OVCH1: variants seen among roughly 807,000 people sequenced by gnomAD.
The protein encoded by OVCH1 is ovochymase-1.
Under a neutral mutation model 138.4 loss-of-function variants are expected in OVCH1, and 139 were observed. That is an observed-to-expected ratio of 1.00 (90% CI 0.87 to 1.16). The LOEUF is 1.16. Ranked by LOEUF, OVCH1 falls within the 50% of genes most tolerant of loss-of-function variation. The pLI, the probability that OVCH1 is intolerant of heterozygous loss-of-function variation, is 0.00. For synonymous variants in OVCH1, 453 were observed against 467.8 expected, an observed-to-expected ratio of 0.97 and a Z score of 0.41; for missense variants, 1,367 against 1,357.9, an observed-to-expected ratio of 1.01 and a Z score of -0.11.
intron 21 of OVCH1, among the ~76,000 whole-genome samples, chr12:29,453,839 C>A (rs1306071254): frequency 6.6e-6 from 1 of 152,164 alleles, no homozygotes; most frequent in Non-Finnish European, 1.5e-5. Flanking sequence ...ACTAAGCTAA[C>A]TGGGGGCATT....
chr12:29,495,636 C>A (rs924064805), intron 3 of OVCH1, among the ~76,000 whole-genome samples, 179 bp from the exon 4 acceptor site: 1 of 151,966 alleles, frequency 6.6e-6, no homozygotes, highest in Non-Finnish European at 1.5e-5. Flanking sequence ...TAGAAAAAAT[C>A]GTAGTTTTCA....
chr12:29,403,695 C>CTGA, the OVCH1 span, among the ~76,000 whole-genome samples: 1 of 152,108 alleles, frequency 6.6e-6, no homozygotes, highest in Non-Finnish European at 1.5e-5. Context: ...ATTGACGTGC[C>CTGA]TGATAAATAA....
At position 29,482,613 on chromosome 12, in the gene OVCH1, G is replaced by A. The variant is rs189125646; in HGVS notation, c.995+3633C>T. 8.1e-4 allele frequency among the ~76,000 whole-genome samples: 123 copies of A among 152,264 alleles called. 3 individuals are homozygous for A. In the East Asian group the frequency reaches 0.017, roughly 21 times the overall value. ...CATCCTGAGGGTTCAATAGAAATTTGTTGATTATTTGGGATACTAAATTTT... is the reference window on the plus strand; with the variant it reads ...CATCCTGAGGGTTCAATAGAAATTTATTGATTATTTGGGATACTAAATTTT... On this transcript the variant is annotated intron_variant, in intron 8 of 27. Transcript: ENST00000318184.
At chr12:29,447,041 TAAC>T (rs949762214) in intron 22 of OVCH1, among the ~76,000 whole-genome samples, 43 of 152,134 alleles carry the variant, frequency 2.8e-4, no homozygotes, top group African/African-American at 9.9e-4. Context: ...AATAAACTTA[TAAC>T]AACATTAAGA....
intron 21 of OVCH1, among the ~76,000 whole-genome samples, chr12:29,454,331 C>A (rs1565581518): frequency 6.6e-6 from 1 of 152,082 alleles, no homozygotes; most frequent in Admixed American, 6.6e-5. Flanking sequence ...ATTTGGAAAC[C>A]AAGAGTGATA....
chr12:29,481,012 G>A (rs1316171276), intron 8 of OVCH1, among the ~76,000 whole-genome samples: 1 of 152,032 alleles, frequency 6.6e-6, no homozygotes, highest in Non-Finnish European at 1.5e-5. Context: ...CTTCCTGGCA[G>A]AATCTGTATA....
rs1051762256 is a variant in OVCH1, at chr12:29,464,636, C to T, written c.1996G>A (p.Ala666Thr). The T allele has an allele frequency of 2.5e-6, 4 of 1,613,426 alleles. No individual in the cohort carries two copies. The African/African-American group carries it at 5.3e-5, about 22-fold the overall frequency. ...AGAGGAGAGCTTAGTTGTATTAGGG[C>T]AATGTCAGAGTCATAACTTAGTGTG... is the stretch of plus-strand genomic sequence containing the variant. The change falls in exon 18 of 28, where the codon GCC (alanine) becomes ACC (threonine). Residue 666 changes from alanine (A) to threonine (T), a missense_variant. Ala to Thr is a moderately conservative substitution (Grantham distance 58). Coordinates refer to ENST00000318184, the Ensembl canonical transcript of OVCH1.
At chr12:29,443,600 G>A in intron 24 of OVCH1, 100 bp from the exon 25 acceptor site, 1 of 1,184,424 alleles carries the variant, frequency 8.4e-7, no homozygotes, top group Non-Finnish European at 1.1e-6. Context: ...TTGACCCCCA[G>A]TGAGCCTTAT....
intron 20 of OVCH1, 133 bp downstream of exon 20, chr12:29,455,116 A>T: frequency 8.3e-7 from 1 of 1,199,082 alleles, no homozygotes; most frequent in Non-Finnish European, 1.2e-6. Flanking sequence ...CTTGCATTTT[A>T]GTGTGTTTAG....
In OVCH1 at chr12:29,455,304, C is replaced by G. The variant is rs150279096; in HGVS notation, c.2382G>C (p.Pro794=). The change falls in exon 20 of 28, where the codon CCG becomes CCC. Residue 794 remains proline, a synonymous_variant. Transcript: ENST00000318184. ...AGATCATCACTCTGGCAAATACACCCGGCTTCCATGGCTGGACACAGCCAG... is the reference window on the plus strand; with the variant it reads ...AGATCATCACTCTGGCAAATACACCGGGCTTCCATGGCTGGACACAGCCAG... 222 of 1,613,856 alleles carry G rather than the reference C, an allele frequency of 1.4e-4. 1 individual carries two copies. The East Asian group carries it at 4.9e-3, about 35-fold the overall frequency.
intron 8 of OVCH1, among the ~76,000 whole-genome samples, chr12:29,480,026 A>G (rs554275055): frequency 1.2e-3 from 184 of 151,696 alleles, no homozygotes; most frequent in Non-Finnish European, 2.4e-3. Flanking sequence ...GTTTCACCAT[A>G]TTGGCCAGGC....
At chr12:29,463,422 G>A (rs1164138918) in intron 18 of OVCH1, among the ~76,000 whole-genome samples, 1 of 152,150 alleles carries the variant, frequency 6.6e-6, no homozygotes, top group Non-Finnish European at 1.5e-5. Flanking sequence ...AGCAAGCTTG[G>A]TGTTTAAGAG....
chr12:29,487,049 G>C, intron 7 of OVCH1: 1 of 390,082 alleles, frequency 2.6e-6, no homozygotes, highest in Non-Finnish European at 5.2e-6. Context: ...GCCCTGTCAG[G>C]TGGCTGCCCT....
chr12:29,497,673 G>A (rs755624847), exon 1 of OVCH1: 3 of 1,613,958 alleles, frequency 1.9e-6, no homozygotes, highest in East Asian at 2.2e-5. Context: ...ACCAGCACTG[G>A]CCAGCAGGCC....
intron 19 of OVCH1, 43 bp from the exon 20 acceptor site, chr12:29,455,448 T>G (rs1941921452): frequency 1.3e-6 from 2 of 1,547,882 alleles, no homozygotes; most frequent in Admixed American, 2.0e-5. Flanking sequence ...TGCTTTAATC[T>G]GAAGCTCCTG....
At position 29,496,551 on chromosome 12, in the gene OVCH1, C is replaced by G. The variant is rs1226583463; in HGVS notation, c.183+5G>C. ...TTAAGAAATCAATGCCTTTGTTGCA[C>G]TGACCTGCCATGGATGTCCAGTCAC... is the stretch of plus-strand genomic sequence containing the variant. On this transcript the variant is annotated splice_donor_5th_base_variant and intron_variant, in intron 2 of 27. Coordinates refer to ENST00000318184, the Ensembl canonical transcript of OVCH1. The G allele has an allele frequency of 1.3e-6, 2 of 1,577,282 alleles. No homozygotes were observed. The highest frequency in any genetic ancestry group is 4.5e-5 in the East Asian group (2 of 44,736).
chr12:29,469,772 G>T (rs1592081838), intron 16 of OVCH1, among the ~76,000 whole-genome samples: 1 of 152,008 alleles, frequency 6.6e-6, no homozygotes, highest in South Asian at 2.1e-4. Context: ...TGCTCAGAAG[G>T]TTGAGGTGGG....
At chr12:29,445,673 ATTATT>A (rs1317798133) in intron 22 of OVCH1, among the ~76,000 whole-genome samples, 2 of 152,192 alleles carry the variant, frequency 1.3e-5, no homozygotes, top group South Asian at 4.1e-4. Flanking sequence ...TAGGTAGCAA[ATTATT>A]TTATGTTTAA....
chr12:29,420,884 A>G (rs1941094040), intron 3 of OVCH1, among the ~76,000 whole-genome samples: 1 of 152,244 alleles, frequency 6.6e-6, no homozygotes, highest in South Asian at 2.1e-4. Flanking sequence ...AGTTTCATTC[A>G]CCTAATATGT....
Sources: gnomAD v4.1 joint callset for allele counts (sites outside exome capture counted in the v4.1 genomes callset) on GRCh38, gnomAD v4.1.1 for gene constraint, MANE v1.5 for transcripts, NCBI Gene and HGNC (gene_info 2026-07-23, HGNC 2026-07-21) for gene names.